PRDM2: variants seen among roughly 807,000 people sequenced by gnomAD.
PRDM2 encodes PR/SET domain 2, also known as PR domain zinc finger protein 2.
A neutral mutation model predicts 130.0 loss-of-function variants in PRDM2; 30 were observed. That is an observed-to-expected ratio of 0.23 (90% CI 0.17 to 0.31). PRDM2 has a LOEUF of 0.31. Ranked by LOEUF, PRDM2 falls within the 10% of genes least tolerant of loss-of-function variation. The pLI is 1.00. For missense variants in PRDM2, 2,011 were observed against 2,108.4 expected (o/e 0.95, Z 0.90); for synonymous variants, 871 against 782.4 (o/e 1.11, Z -1.89).
At chr1:13,723,504 CAG>C (rs754659896) in intron 2 of PRDM2, among the ~76,000 whole-genome samples, 9 of 152,182 alleles carry the variant, frequency 5.9e-5, no homozygotes, top group Non-Finnish European at 8.8e-5. Flanking sequence ...TTGGACGTGA[CAG>C]ATTTTGAAGG....
At chr1:13,728,885 G>A (rs1245855990) in intron 2 of PRDM2, among the ~76,000 whole-genome samples, 1 of 152,020 alleles carries the variant, frequency 6.6e-6, no homozygotes, top group African/African-American at 2.4e-5. Context: ...ATTTCTTGTG[G>A]GAGTGACCAT....
chr1:13,799,072 G>A (rs1238925754), intron 8 of PRDM2, among the ~76,000 whole-genome samples: 5 of 152,164 alleles, frequency 3.3e-5, no homozygotes, highest in Non-Finnish European at 7.3e-5. Flanking sequence ...AGCACTCCAG[G>A]CAAACACAGA....
rs1644627862 is a variant in PRDM2 at position 13,782,140 on chromosome 1, G to A, written c.4345G>A (p.Ala1449Thr). Residue 1449 changes from alanine (A) to threonine (T), a missense_variant, in exon 8 of 10, where the codon GCT becomes ACT. Ala to Thr is a moderately conservative substitution (Grantham distance 58). Coordinates refer to ENST00000311066, the MANE Select transcript of PRDM2 (RefSeq NM_001393986.1). ...AAAGCAGAAGGCCGACTTGAAAAAT[G>A]CTTGTGAGTCATCCTCTCACATCTG... Reference protein sequence around the residue: ...SAKQKADLKNACESSSHICPY... With the variant: ...SAKQKADLKNTCESSSHICPY... 6.2e-7 allele frequency: 1 copy of A among 1,613,754 alleles called. No individual in the cohort carries two copies. The highest frequency in any genetic ancestry group is 1.7e-5 in the Admixed American group (1 of 59,996).
chr1:13,701,664 C>A (rs1262934939), intron 1 of PRDM2, among the ~76,000 whole-genome samples: 4 of 152,138 alleles, frequency 2.6e-5, no homozygotes, highest in Admixed American at 2.6e-4. Flanking sequence ...CTTTAAAGAT[C>A]ATTTTTATTA....
At chr1:13,758,251 C>T (rs187588348) in intron 6 of PRDM2, among the ~76,000 whole-genome samples, 2,225 of 151,928 alleles carry the variant, frequency 0.015, 26 homozygotes, top group South Asian at 0.036. Flanking sequence ...TGAGAACAGC[C>T]TGGACAACAT....
chr1:13,784,394 AAC>A (rs1309301146), intron 8 of PRDM2, among the ~76,000 whole-genome samples: 1 of 152,148 alleles, frequency 6.6e-6, no homozygotes, highest in Non-Finnish European at 1.5e-5. Flanking sequence ...TGTACTATAA[AAC>A]ACCTCCCAGG....
At chr1:13,792,555 A>G (rs1644856883) in intron 8 of PRDM2, among the ~76,000 whole-genome samples, 1 of 152,254 alleles carries the variant, frequency 6.6e-6, no homozygotes, top group Non-Finnish European at 1.5e-5. Context: ...GAACATTTTC[A>G]GATGGCTTCT....
intron 7 of PRDM2, among the ~76,000 whole-genome samples, chr1:13,776,370 G>GT: frequency 6.6e-6 from 1 of 152,268 alleles, no homozygotes; most frequent in East Asian, 1.9e-4. Flanking sequence ...AGTGCCTGCA[G>GT]TAGAGGGGTC....
At chr1:13,816,614 T>A (rs1427574764) in intron 9 of PRDM2, 44 bp downstream of exon 9, 1 of 1,604,282 alleles carries the variant, frequency 6.2e-7, no homozygotes, top group South Asian at 1.1e-5. Flanking sequence ...TTTGGGTGGG[T>A]CAAGGGGGTG....
rs187649537 is a variant in PRDM2, at chr1:13,733,877, A to G, written c.231+995A>G. ...TTCCTGTCAGATTGTCTGAAACTGA[A>G]TCACATCTGTTTTTTCACACATTAA... is the stretch of plus-strand genomic sequence containing the variant. On this transcript the variant is annotated intron_variant, in intron 4 of 9. Coordinates refer to ENST00000311066, the MANE Select transcript of PRDM2 (RefSeq NM_001393986.1). Among the ~76,000 whole-genome samples, 19 of 152,330 alleles carry G rather than the reference A, an allele frequency of 1.2e-4. No individual in the cohort carries two copies. The East Asian group carries it at 3.5e-3, about 28-fold the overall frequency.
At chr1:13,759,160 C>T (rs539673101) in intron 6 of PRDM2, among the ~76,000 whole-genome samples, 96 of 139,976 alleles carry the variant, frequency 6.9e-4, no homozygotes, top group South Asian at 1.2e-3. Context: ...AATTCCCCTA[C>T]CCTTTTTTTT....
chr1:13,783,155 G>T (rs781107760), intron 8 of PRDM2: 32 of 550,530 alleles, frequency 5.8e-5, no homozygotes, highest in Non-Finnish European at 9.0e-5. Flanking sequence ...TATGTCTTGG[G>T]TAATAGCTCA....
rs1011137729 is a variant in PRDM2 at position 13,806,937 on chromosome 1, C to T, written c.5037-9490C>T. Among the ~76,000 whole-genome samples, 3 of 152,136 alleles carry T rather than the reference C, an allele frequency of 2.0e-5. No homozygotes were observed. The highest frequency in any genetic ancestry group is 6.5e-5 in the Admixed American group (1 of 15,272). On this transcript the variant is annotated intron_variant, in intron 8 of 9. Coordinates refer to ENST00000311066, the MANE Select transcript of PRDM2 (RefSeq NM_001393986.1). This position sits in a 1 kb window ranked among gnomAD's most constrained non-coding sequence, Gnocchi z 4.1. The stretch of plus-strand genomic sequence containing the variant: ...AACGCACAAGGCGTAGTATCCGGAC[C>T]GATTGATCCCCCCACCCCAGGTCGT...
intron 9 of PRDM2, among the ~76,000 whole-genome samples, chr1:13,818,710 T>C (rs1345778796): frequency 1.8e-4 from 28 of 152,018 alleles, no homozygotes; most frequent in Non-Finnish European, 1.5e-5. Context: ...TCTTAAGCAG[T>C]TGGAGTTTCT....
In PRDM2 at chr1:13,816,469, C is replaced by A. The variant is rs1645259571; in HGVS notation, c.5079C>A (p.Ala1693=). The stretch of plus-strand genomic sequence containing the variant: ...CGTCCCGATGCTCTCCACCAGCGGC[C>A]CCGTACATCACCAGGCAGTATAGGA... The part of the protein sequence containing the change: ...RLASRCSPPA[A]PYITRQYRKV... Residue 1693 remains alanine, a synonymous_variant, in exon 9 of 10, where the codon GCC becomes GCA. Coordinates refer to ENST00000311066, the MANE Select transcript of PRDM2 (RefSeq NM_001393986.1). 6.2e-7 allele frequency: 1 copy of A among 1,614,074 alleles called. No homozygotes were observed. Among genetic ancestry groups the A allele is most frequent in the Non-Finnish European group, 8.5e-7 (1 of 1,180,048 alleles).
intron 8 of PRDM2, among the ~76,000 whole-genome samples, chr1:13,810,032 T>A (rs1645146000): frequency 6.6e-6 from 1 of 152,162 alleles, no homozygotes; most frequent in African/African-American, 2.4e-5. Context: ...CCGTCATGAA[T>A]GTCCCATCCT....
rs570836784 is a variant in PRDM2, at chr1:13,803,057, C to T, written c.5037-13370C>T. Reference sequence around the variant, plus strand: ...GTGACGGTGTTTCCAGCCGAGGTGACATTCTCCAGACTTGAACCCCTGTGC... The same window carrying T: ...GTGACGGTGTTTCCAGCCGAGGTGATATTCTCCAGACTTGAACCCCTGTGC... On this transcript the variant is annotated intron_variant, in intron 8 of 9. Coordinates refer to ENST00000311066, the MANE Select transcript of PRDM2 (RefSeq NM_001393986.1). This position sits in a 1 kb window ranked among gnomAD's most constrained non-coding sequence, Gnocchi z 6.2. Among the ~76,000 whole-genome samples the T allele has an allele frequency of 6.6e-6, 1 of 152,320 alleles. No individual in the cohort carries two copies. Among genetic ancestry groups the T allele is most frequent in the East Asian group, 1.9e-4 (1 of 5,160 alleles).
rs753358984 is a variant in PRDM2, at chr1:13,781,461, C to T, written c.3666C>T (p.His1222=). ...DLHPDKVCTH[H]EFESGTLRPQ... The stretch of plus-strand genomic sequence containing the variant: ...ACCCAGATAAGGTGTGCACACATCA[C>T]GAGTTTGAAAGCGGGACTCTGAGGC... The change falls in exon 8 of 10, where the codon CAC becomes CAT. Residue 1222 remains histidine (H), a synonymous_variant. Transcript: ENST00000311066. The surrounding 1 kb of genome is among the most constrained non-coding windows in gnomAD (Gnocchi z 6.1). 5.6e-6 allele frequency: 9 copies of T among 1,613,746 alleles called. No homozygotes were observed. Among genetic ancestry groups the T allele is most frequent in the Admixed American group, 5.0e-5 (3 of 60,016 alleles).
At chr1:13,758,045 A>G (rs762313800) in intron 6 of PRDM2, among the ~76,000 whole-genome samples, 32 of 152,086 alleles carry the variant, frequency 2.1e-4, no homozygotes, top group Non-Finnish European at 4.1e-4. Context: ...TAGAATATGT[A>G]TGTCTATATA....
Sources: allele counts gnomAD v4.1 joint callset (sites outside exome capture counted in the v4.1 genomes callset), GRCh38; gene constraint gnomAD v4.1.1; non-coding constraint Gnocchi (gnomAD v3.1); transcripts MANE v1.5; gene names NCBI Gene and HGNC (gene_info 2026-07-23, HGNC 2026-07-21).